SNAI3: variants seen among roughly 807,000 people sequenced by gnomAD.
SNAI3 encodes the protein zinc finger protein SNAI3.
In SNAI3, 21 loss-of-function variants were observed where a neutral mutation model predicts 16.4. That is an observed-to-expected ratio of 1.28 (90% confidence interval 0.91 to 1.85). The LOEUF (loss-of-function observed/expected upper bound fraction) is 1.85, where lower values mean the gene tolerates loss of function less well. SNAI3 is among the 40% of genes most tolerant of loss of function. SNAI3 has a pLI of 0.00. For missense variants in SNAI3, 457 were observed against 372.8 expected (o/e 1.23, Z -1.86); for synonymous variants, 202 against 166.6 (o/e 1.21, Z -1.64).
chr16:88,678,236 G>T lies in SNAI3; in HGVS notation c.*212C>A, dbSNP rs746394095. Reference sequence around the variant, plus strand: ...CCCGGGAGAGGAGTCTCCTCTGAGTGGGCTCCGCGCGGTGGGATGCCTGGG... The same window carrying T: ...CCCGGGAGAGGAGTCTCCTCTGAGTTGGCTCCGCGCGGTGGGATGCCTGGG... On this transcript the variant is annotated 3_prime_UTR_variant, in exon 3 of 3. Coordinates refer to ENST00000332281, the MANE Select transcript of SNAI3 (RefSeq NM_178310.4). 2.4e-5 allele frequency: 13 copies of T among 535,090 alleles called. No homozygotes were observed. The highest frequency in any genetic ancestry group is 4.3e-5 in the Non-Finnish European group (13 of 300,946). The allele number at this position is 535,090 out of a possible 1,614,324, so 33.1% of individuals were successfully genotyped here.
Position 88,681,621 on chromosome 16 carries a change from T to TG in SNAI3, c.169dup (p.Gln57ProfsTer87). ...GACGGCCGAGGAGCGGTCCCAGGGC[T>TG]GGGGAAGGTCACCGGGCACAGAAGG... On this transcript the variant is annotated frameshift_variant, in exon 2 of 3. Transcript: ENST00000332281. LOFTEE classifies it high-confidence loss of function. This position sits in a 1 kb window ranked among gnomAD's most constrained non-coding sequence, Gnocchi z 5.4. The TG allele has an allele frequency of 6.8e-7, 1 of 1,470,532 alleles. No homozygotes were observed. The highest frequency in any genetic ancestry group is 9.0e-7 in the Non-Finnish European group (1 of 1,107,504). The allele number at this position is 1,470,532 out of a possible 1,614,324, so 91.1% of individuals were successfully genotyped here.
At position 88,683,619 on chromosome 16, in the gene SNAI3, G is replaced by T. The variant is rs540735406; in HGVS notation, c.77-1905C>A. ...GTCGCCCAGGCTGGAGTGCAATGGC[G>T]TGATCTCAGCTCACTGCAACCTCCG... is the stretch of plus-strand genomic sequence containing the variant. On this transcript the variant is annotated intron_variant, in intron 1 of 2. Coordinates refer to ENST00000332281, the MANE Select transcript of SNAI3 (RefSeq NM_178310.4). Among the ~76,000 whole-genome samples the T allele has an allele frequency of 3.0e-5, 4 of 135,218 alleles. No homozygotes were observed. In the East Asian group the frequency reaches 9.0e-4, roughly 30 times the overall value. The allele number at this position is 135,218 out of a possible 152,430, so 88.7% of individuals were successfully genotyped here. A position where few individuals can be genotyped will look rare whatever the true frequency, so the allele number is the denominator to read the frequency against.
In SNAI3 at chr16:88,686,324, T is replaced by G. The variant is rs750587533; in HGVS notation, c.76+7A>C. On this transcript the variant is annotated splice_region_variant and intron_variant, in intron 1 of 2. Transcript: ENST00000332281. ...CGGCAGGGGCTCGGGGATCGGGTAG[T>G]CAGTACCTCTCTGCGTCTCCAGCCG... 8 of 1,610,578 alleles carry G rather than the reference T, an allele frequency of 5.0e-6. No individual in the cohort carries two copies. The African/African-American group carries it at 1.1e-4, about 22-fold the overall frequency.
At position 88,681,634 on chromosome 16, in the gene SNAI3, C is replaced by T. The variant is rs45506693; in HGVS notation, c.157G>A (p.Gly53Ser). ...CGGTCCCAGGGCTGGGGAAGGTCAC[C>T]GGGCACAGAAGGGGCCTCCTTGTCT... is the stretch of plus-strand genomic sequence containing the variant. Reference protein sequence around the residue: ...PRDKEAPSVPGDLPQPWDRSS... With the variant: ...PRDKEAPSVPSDLPQPWDRSS... Residue 53 changes from glycine to serine, a missense_variant, in exon 2 of 3, where the codon GGT becomes AGT. Coordinates refer to ENST00000332281, the MANE Select transcript of SNAI3 (RefSeq NM_178310.4). This position sits in a 1 kb window ranked among gnomAD's most constrained non-coding sequence, Gnocchi z 5.4. 4.9e-4 allele frequency: 726 copies of T among 1,469,950 alleles called. 7 individuals carry two copies. Among genetic ancestry groups the T allele is most frequent in the Middle Eastern group, 4.3e-3 (23 of 5,370 alleles). 91.1% of individuals were successfully genotyped at this position (1,469,950 alleles called of 1,614,324 possible).
chr16:88,685,318 TGGCA>T (rs914588652), intron 1 of SNAI3: 13 of 152,264 alleles, frequency 8.5e-5, no homozygotes, highest in African/African-American at 2.9e-4. Context: ...CACCCCCTGG[TGGCA>T]GCCCGGGCCT....
At chr16:88,682,069 C>A (rs948158760) in intron 1 of SNAI3, among the ~76,000 whole-genome samples, 5 of 152,200 alleles carry the variant, frequency 3.3e-5, no homozygotes, top group African/African-American at 1.2e-4. Flanking sequence ...TGGGCAGGAC[C>A]CTCTGATGAG....
In SNAI3 at chr16:88,677,866, A is replaced by T. The variant is rs1265301356; in HGVS notation, c.*582T>A. 6.6e-6 allele frequency: 1 copy of T among 152,572 alleles called. No homozygotes were observed. The highest frequency in any genetic ancestry group is 1.5e-5 in the Non-Finnish European group (1 of 68,192). 9.5% of individuals were successfully genotyped at this position (152,572 alleles called of 1,614,324 possible). On this transcript the variant is annotated 3_prime_UTR_variant, in exon 3 of 3. Transcript: ENST00000332281. ...TCCTGCCCCATCTCCCGGAGAGTCT[A>T]GTGAGGTGGGGAGGGCACGTGTGTG...
chr16:88,678,768 G>C, intron 2 of SNAI3, 139 bp from the exon 3 acceptor site: 1 of 1,436,954 alleles, frequency 7.0e-7, no homozygotes, highest in Non-Finnish European at 9.1e-7. Context: ...GAGCTGTGTG[G>C]GGACGGGGTG....
At chr16:88,686,271 C>T (rs1909355893) in intron 1 of SNAI3, 60 bp downstream of exon 1, 2 of 1,578,316 alleles carry the variant, frequency 1.3e-6, no homozygotes, top group Non-Finnish European at 1.7e-6. Context: ...GGGCCTCTCT[C>T]TCTCTCCCGC....
rs960720764 is a variant in SNAI3, at chr16:88,686,486, G to A, written c.-80C>T. ...GGTCCGGACTGCTGCGTCCGCCGGC[G>A]CTTGAAGGGGTCAGGCTCATTAGCA... On this transcript the variant is annotated 5_prime_UTR_variant, in exon 1 of 3. Coordinates refer to ENST00000332281, the MANE Select transcript of SNAI3 (RefSeq NM_178310.4). The A allele has an allele frequency of 4.0e-5, 63 of 1,560,058 alleles. No individual in the cohort carries two copies. The highest frequency in any genetic ancestry group is 5.2e-5 in the Non-Finnish European group (60 of 1,159,992).
At position 88,678,110 on chromosome 16, in the gene SNAI3, C is replaced by A. The variant is rs1464109053; in HGVS notation, c.*338G>T. On this transcript the variant is annotated 3_prime_UTR_variant, in exon 3 of 3. Transcript: ENST00000332281. Reference sequence around the variant, plus strand: ...CATCCGGCGGCAGTGCCGGCCCATGCTGGCGGCCACCTCCCCGAGGCTCTG... The same window carrying A: ...CATCCGGCGGCAGTGCCGGCCCATGATGGCGGCCACCTCCCCGAGGCTCTG... 1.2e-5 allele frequency: 3 copies of A among 258,980 alleles called. No individual in the cohort carries two copies. Among genetic ancestry groups the A allele is most frequent in the Non-Finnish European group, 2.2e-5 (3 of 134,582 alleles). The allele number at this position is 258,980 out of a possible 1,614,324, so 16.0% of individuals were successfully genotyped here.
At chr16:88,686,121 C>T in intron 1 of SNAI3, 1 of 581,878 alleles carries the variant, frequency 1.7e-6, no homozygotes, top group Admixed American at 3.1e-5. Flanking sequence ...CCCGCCCGCC[C>T]TGCCGGAGGC....
Position 88,681,590 on chromosome 16 carries a change from G to T in SNAI3, c.201C>A (p.Cys67Ter), listed in dbSNP as rs748309257. The part of the protein sequence containing the change: ...QPWDRSSAVA[C>*]ISLPLLPRIE... ...TCCGTGGCAGGAGGGGCAGGGAGAT[G>T]CAGGCGACGGCCGAGGAGCGGTCCC... The change falls in exon 2 of 3, where the codon TGC becomes TGA. Residue 67 changes from cysteine (C) to a stop codon, truncating the protein, a stop_gained. Coordinates refer to ENST00000332281, the MANE Select transcript of SNAI3 (RefSeq NM_178310.4). LOFTEE classifies it high-confidence loss of function. This position sits in a 1 kb window ranked among gnomAD's most constrained non-coding sequence, Gnocchi z 5.4. 7 of 1,503,504 alleles carry T rather than the reference G, an allele frequency of 4.7e-6. No individual in the cohort carries two copies. The South Asian group carries it at 8.1e-5, about 17-fold the overall frequency. The allele number at this position is 1,503,504 out of a possible 1,614,324, so 93.1% of individuals were successfully genotyped here.
rs540224452 is a variant in SNAI3, at chr16:88,681,018, C to T, written c.697+76G>A. ...TGCTATTGTTTATAAAATCACCCCT[C>T]CTCCTTTTCTAACTCCCGCAGCCCA... On this transcript the variant is annotated intron_variant, in intron 2 of 2. Transcript: ENST00000332281. The surrounding 1 kb of genome is among the most constrained non-coding windows in gnomAD (Gnocchi z 5.4). The T allele has an allele frequency of 1.0e-5, 16 of 1,541,892 alleles. No homozygotes were observed. In the African/African-American group the frequency reaches 1.4e-4, roughly 13 times the overall value.
chr16:88,681,271 G>T lies in SNAI3; in HGVS notation c.520C>A (p.His174Asn). 1 of 1,613,286 alleles carries T rather than the reference G, an allele frequency of 6.2e-7. No homozygotes were observed. Reference protein sequence around the residue: ...LAGLARHRQLHCHLQVGRVFT... With the variant: ...LAGLARHRQLNCHLQVGRVFT... The stretch of plus-strand genomic sequence containing the variant: ...ACACGCCCCACCTGCAGGTGGCAGT[G>T]CAGCTGCCGGTGCCTGGCCAGCCCG... Residue 174 changes from histidine (H) to asparagine (N), a missense_variant, in exon 2 of 3, where the codon CAC (histidine) becomes AAC (asparagine). Transcript: ENST00000332281. The surrounding 1 kb of genome is among the most constrained non-coding windows in gnomAD (Gnocchi z 5.4).
chr16:88,683,097 T>C (rs934571634), intron 1 of SNAI3, among the ~76,000 whole-genome samples: 5 of 145,790 alleles, frequency 3.4e-5, no homozygotes, highest in Admixed American at 1.4e-4. Context: ...TTTTTTTTTT[T>C]TTTTTTGAGA....
intron 1 of SNAI3, chr16:88,685,200 AGCCAGGCACTCCG>A (rs1327128688): frequency 6.6e-6 from 1 of 152,286 alleles, no homozygotes; most frequent in Non-Finnish European, 1.5e-5. Flanking sequence ...CTTCACCATG[AGCCAGGCACTCCG>A]GCAGTTTCTG....
Position 88,681,007 on chromosome 16 carries a change from A to G in SNAI3, c.697+87T>C. ...GTGAATGCCCATGCTATTGTTTATA[A>G]AATCACCCCTCCTCCTTTTCTAACT... On this transcript the variant is annotated intron_variant, in intron 2 of 2. Coordinates refer to ENST00000332281, the MANE Select transcript of SNAI3 (RefSeq NM_178310.4). This position sits in a 1 kb window ranked among gnomAD's most constrained non-coding sequence, Gnocchi z 5.4. 1 of 1,521,136 alleles carries G rather than the reference A, an allele frequency of 6.6e-7. No homozygotes were observed. The highest frequency in any genetic ancestry group is 8.9e-7 in the Non-Finnish European group (1 of 1,127,058). The allele number at this position is 1,521,136 out of a possible 1,614,324, so 94.2% of individuals were successfully genotyped here.
intron 2 of SNAI3, among the ~76,000 whole-genome samples, chr16:88,679,311 T>G (rs1567626264): frequency 2.6e-5 from 4 of 152,170 alleles, no homozygotes; most frequent in East Asian, 1.9e-4. Context: ...AGGGGGTGTG[T>G]GGGGGGTGTC....
Sources: allele counts gnomAD v4.1 joint callset (sites outside exome capture counted in the v4.1 genomes callset), GRCh38; gene constraint gnomAD v4.1.1; non-coding constraint Gnocchi (gnomAD v3.1); transcripts MANE v1.5; gene names NCBI Gene and HGNC (gene_info 2026-07-23, HGNC 2026-07-21).